The following ZMYM4 variants were observed in gnomAD, a reference collection of about 807,000 sequenced individuals.
ZMYM4 encodes zinc finger MYM-type protein 4.
Under a neutral mutation model 183.2 loss-of-function variants are expected in ZMYM4, and 31 were observed. That is an observed-to-expected ratio of 0.17 (90% CI 0.13 to 0.23). The LOEUF is 0.23. ZMYM4 is among the 10% of genes least tolerant of loss of function. The probability of loss-of-function intolerance (pLI) is 1.00; values close to 1 mark genes in which losing one functional copy is unlikely to be tolerated. For missense variants in ZMYM4, 1,273 were observed against 1,840.3 expected (o/e 0.69, Z 5.64); for synonymous variants, 592 against 631.2 (o/e 0.94, Z 0.93).
At chr1:35,328,602 A>C (rs1642606804) in intron 2 of ZMYM4, among the ~76,000 whole-genome samples, 1 of 151,794 alleles carries the variant, frequency 6.6e-6, no homozygotes, top group Non-Finnish European at 1.5e-5. Context: ...AGCCAACCAG[A>C]AAGTTTTATA....
chr1:35,393,849 A>T (rs573563767), intron 18 of ZMYM4, 110 bp downstream of exon 18: 2 of 1,262,252 alleles, frequency 1.6e-6, no homozygotes, highest in East Asian at 2.7e-5. Context: ...GGTTGTTTGT[A>T]TACATTGCCC....
chr1:35,396,982 G>A (rs1570521137), intron 19 of ZMYM4: 1 of 738,094 alleles, frequency 1.4e-6, no homozygotes, highest in East Asian at 8.8e-5. Flanking sequence ...AAAGAGTACT[G>A]TGATTTATAT....
intron 3 of ZMYM4, 54 bp downstream of exon 3, chr1:35,359,500 A>G: frequency 1.4e-6 from 2 of 1,446,266 alleles, no homozygotes; most frequent in Non-Finnish European, 9.2e-7. Context: ...TACCGATCAT[A>G]ATATATAGCT....
intron 23 of ZMYM4, among the ~76,000 whole-genome samples, chr1:35,403,469 A>G (rs983918512): frequency 2.0e-5 from 3 of 152,004 alleles, no homozygotes; most frequent in Admixed American, 2.0e-4. Context: ...TATTTTTAGT[A>G]GAGATGGGGT....
chr1:35,360,113 T>C (rs1461006537), intron 3 of ZMYM4, among the ~76,000 whole-genome samples: 2 of 152,074 alleles, frequency 1.3e-5, no homozygotes, highest in East Asian at 3.8e-4. Flanking sequence ...AAAGTACTTC[T>C]TATCCAACAA....
chr1:35,406,846 G>T (rs1645011013), intron 25 of ZMYM4, among the ~76,000 whole-genome samples: 1 of 152,060 alleles, frequency 6.6e-6, no homozygotes, highest in Non-Finnish European at 1.5e-5. Context: ...TTTAATCTTG[G>T]CCCCACAATG....
chr1:35,276,282 T>C (rs1370820037), intron 1 of ZMYM4, among the ~76,000 whole-genome samples: 21 of 128,996 alleles, frequency 1.6e-4, no homozygotes, highest in Non-Finnish European at 2.9e-4. Flanking sequence ...CTCCCTCCCT[T>C]CTTTCTTCCC....
chr1:35,313,934 A>G (rs181242124), intron 1 of ZMYM4, among the ~76,000 whole-genome samples: 1 of 152,344 alleles, frequency 6.6e-6, no homozygotes, highest in African/African-American at 2.4e-5. Flanking sequence ...GAGCCTAGCA[A>G]CCATTTGCTG....
intron 1 of ZMYM4, among the ~76,000 whole-genome samples, chr1:35,283,324 A>ATTT (rs1640288049): frequency 1.3e-5 from 1 of 79,596 alleles, no homozygotes; most frequent in South Asian, 4.0e-4. Flanking sequence ...GTGAAGTGGT[A>ATTT]TCTTTTTTTT....
At chr1:35,363,222 C>T (rs1643986765) in intron 5 of ZMYM4, among the ~76,000 whole-genome samples, 1 of 152,116 alleles carries the variant, frequency 6.6e-6, no homozygotes, top group Admixed American at 6.5e-5. Flanking sequence ...TCAAGCGATC[C>T]TCCTGCTATG....
At position 35,405,114 on chromosome 1, in the gene ZMYM4, A is replaced by G; in HGVS notation, c.3620A>G (p.Tyr1207Cys). The change falls in exon 24 of 30, where the codon TAC (tyrosine) becomes TGC (cysteine). Residue 1207 changes from tyrosine (Y) to cysteine (C), a missense_variant. Tyr to Cys is a radical substitution (Grantham distance 194, BLOSUM62 -2). Around this residue, in one of 6 missense-constraint regions of ZMYM4, gnomAD observed 133 missense variants for 155.7 expected, o/e 0.85. Transcript: ENST00000314607. ...GCSVSGMTLK[Y>C]MYGVNAWKNW... The stretch of plus-strand genomic sequence containing the variant: ...TCAGTGTCCGGGATGACACTGAAAT[A>G]CATGTATGGGGTAAATGCTTGGAAG... 6.2e-7 allele frequency: 1 copy of G among 1,614,152 alleles called. No homozygotes were observed. The highest frequency in any genetic ancestry group is 2.2e-5 in the East Asian group (1 of 44,884).
chr1:35,337,185 C>T (rs1643010322), intron 2 of ZMYM4, among the ~76,000 whole-genome samples: 1 of 151,978 alleles, frequency 6.6e-6, no homozygotes, highest in Non-Finnish European at 1.5e-5. Flanking sequence ...ATGGTGAAAC[C>T]CCATCTCCGC....
At chr1:35,402,665 A>G (rs1169367655) in intron 23 of ZMYM4, among the ~76,000 whole-genome samples, 1 of 152,154 alleles carries the variant, frequency 6.6e-6, no homozygotes, top group East Asian at 1.9e-4. Flanking sequence ...TTACTAGTAT[A>G]TAGAAATATA....
At chr1:35,365,332 G>C (rs1644048177) in intron 5 of ZMYM4, among the ~76,000 whole-genome samples, 1 of 137,198 alleles carries the variant, frequency 7.3e-6, no homozygotes, top group Non-Finnish European at 1.5e-5. Context: ...TTTCAAAATA[G>C]ATACTTTAAA....
intron 9 of ZMYM4, among the ~76,000 whole-genome samples, chr1:35,384,011 C>G (rs558672594): frequency 1.3e-5 from 2 of 152,286 alleles, no homozygotes; most frequent in African/African-American, 4.8e-5. Flanking sequence ...ATGGTCATTT[C>G]TGCTACCTTC....
At chr1:35,269,502 G>A (rs1483174605) in intron 1 of ZMYM4, among the ~76,000 whole-genome samples, 2 of 152,088 alleles carry the variant, frequency 1.3e-5, no homozygotes, top group Non-Finnish European at 2.9e-5. Flanking sequence ...GAAATAACCG[G>A]AGGGTTCTTC....
chr1:35,361,663 A>G lies in ZMYM4; in HGVS notation c.714A>G (p.Glu238=). ...CCAATAAAGAATCCATTGGTTCGGA[A>G]CTGGGGAATTCCTTTGCATCAAATA... is the stretch of plus-strand genomic sequence containing the variant. ...PFANKESIGS[E]LGNSFASNIR... The change falls in exon 5 of 30, where the codon GAA becomes GAG. Residue 238 remains glutamate (E), a synonymous_variant. Transcript: ENST00000314607. The G allele has an allele frequency of 6.2e-7, 1 of 1,613,750 alleles. No homozygotes were observed. The highest frequency in any genetic ancestry group is 8.5e-7 in the Non-Finnish European group (1 of 1,179,792).
intron 5 of ZMYM4, among the ~76,000 whole-genome samples, chr1:35,364,494 C>T (rs1398343445): frequency 1.3e-5 from 2 of 152,202 alleles, no homozygotes; most frequent in Non-Finnish European, 2.9e-5. Context: ...TCTCCACCTT[C>T]CCTCCTTCTT....
chr1:35,390,501 A>C (rs1305558618), intron 15 of ZMYM4, among the ~76,000 whole-genome samples: 1 of 152,140 alleles, frequency 6.6e-6, no homozygotes, highest in Non-Finnish European at 1.5e-5. Flanking sequence ...ATGAGCCAGG[A>C]AAAGGAATTT....
Sources: allele counts gnomAD v4.1 joint callset (sites outside exome capture counted in the v4.1 genomes callset), GRCh38; gene constraint gnomAD v4.1.1; regional missense constraint gnomAD v4.1.1; transcripts MANE v1.5; gene names NCBI Gene and HGNC (gene_info 2026-07-23, HGNC 2026-07-21).